KIF2A: variants seen among roughly 807,000 people sequenced by gnomAD.
KIF2A encodes kinesin-like protein KIF2A.
In KIF2A, 22 loss-of-function variants were observed where a neutral mutation model predicts 100.2. The observed-to-expected ratio is 0.22, with a 90% CI of 0.16 to 0.31. KIF2A has a LOEUF of 0.31. KIF2A is among the 10% of genes least tolerant of loss of function. The probability of loss-of-function intolerance (pLI) is 1.00; values close to 1 mark genes in which losing one functional copy is unlikely to be tolerated. For missense variants in KIF2A, 495 were observed against 898.7 expected, an observed-to-expected ratio of 0.55 and a Z score of 5.74; for synonymous variants, 268 against 285.9, an observed-to-expected ratio of 0.94 and a Z score of 0.63.
intron 20 of KIF2A, among the ~76,000 whole-genome samples, chr5:62,381,519 G>T (rs887334570): frequency 1.3e-5 from 2 of 152,160 alleles, no homozygotes; most frequent in Non-Finnish European, 2.9e-5. Flanking sequence ...TAAATTTTAT[G>T]TACCTATTCA....
chr5:62,311,809 TGTTAGGGCTTAATA>T (rs1745566206), intron 1 of KIF2A: 1 of 152,210 alleles, frequency 6.6e-6, no homozygotes, highest in Non-Finnish European at 1.5e-5. Flanking sequence ...TATATGGATT[TGTTAGGGCTTAATA>T]GTTTTCCAAG....
At chr5:62,308,597 T>TA (rs34459515) in intron 1 of KIF2A, 5 of 700,498 alleles carry the variant, frequency 7.1e-6, no homozygotes, top group South Asian at 5.9e-5. Flanking sequence ...TATTCAGCCT[T>TA]AAAAAAGGAG....
intron 1 of KIF2A, among the ~76,000 whole-genome samples, chr5:62,322,645 G>A (rs1316523231): frequency 6.6e-6 from 1 of 152,102 alleles, no homozygotes; most frequent in Non-Finnish European, 1.5e-5. Flanking sequence ...GAAATACCTT[G>A]CAACTCTAGT....
chr5:62,312,024 G>A (rs1745576726), intron 1 of KIF2A: 1 of 152,200 alleles, frequency 6.6e-6, no homozygotes, highest in Admixed American at 6.5e-5. Context: ...TCTAAGTGCT[G>A]CTGACAGATG....
intron 1 of KIF2A, among the ~76,000 whole-genome samples, chr5:62,318,413 A>G (rs535966194): frequency 1.3e-3 from 204 of 152,300 alleles, no homozygotes; most frequent in Non-Finnish European, 2.0e-3. Context: ...ATTGTTTGAA[A>G]TTATTTTGGG....
Position 62,387,474 on chromosome 5 carries a change from T to TAGAC in KIF2A, c.*1907_*1910dup, listed in dbSNP as rs1482151393. 6.6e-6 allele frequency: 1 copy of TAGAC among 152,200 alleles called. No homozygotes were observed. Among genetic ancestry groups the TAGAC allele is most frequent in the African/African-American group, 2.4e-5 (1 of 41,462 alleles). 9.4% of individuals were successfully genotyped at this position (152,200 alleles called of 1,614,324 possible). On this transcript the variant is annotated 3_prime_UTR_variant, in exon 21 of 21. Transcript: ENST00000407818. ...GTACTGTCTTTGGAAAGTCTCCTTA[T>TAGAC]AGACAAATATGCTGCCTTACACTAT...
At position 62,306,455 on chromosome 5, in the gene KIF2A, G is replaced by A. The variant is rs1334039561; in HGVS notation, c.-18G>A. 9.7e-6 allele frequency: 15 copies of A among 1,539,592 alleles called. No homozygotes were observed. In the Admixed American group the frequency reaches 3.0e-4, roughly 31 times the overall value. On this transcript the variant is annotated 5_prime_UTR_variant, in exon 1 of 21. Coordinates refer to ENST00000407818, the MANE Select transcript of KIF2A (RefSeq NM_001098511.3). ...GGTCCCCCTCCCTCGGCCCGCTGCT[G>A]CTGCTCCAGATGAGGTGATGGCAAC...
intron 12 of KIF2A, 100 bp downstream of exon 12, chr5:62,362,641 C>A: frequency 2.1e-6 from 1 of 469,902 alleles, no homozygotes. Context: ...TAAATATATT[C>A]ACATTGTTGT....
rs1345575065 is a variant in KIF2A at position 62,331,423 on chromosome 5, A to G, written c.65-15707A>G. On this transcript the variant is annotated intron_variant, in intron 1 of 20. Coordinates refer to ENST00000407818, the MANE Select transcript of KIF2A (RefSeq NM_001098511.3). Reference sequence around the variant, plus strand: ...CAAGACTATGTCTAAAAAAAAAAAAAAATTATGTTTTCTGGGATTGCAGGC... The same window carrying G: ...CAAGACTATGTCTAAAAAAAAAAAAGAATTATGTTTTCTGGGATTGCAGGC... 4.6e-5 allele frequency among the ~76,000 whole-genome samples: 7 copies of G among 151,930 alleles called. No homozygotes were observed. In the East Asian group the frequency reaches 1.4e-3, roughly 29 times the overall value.
chr5:62,385,405 C>G, intron 20 of KIF2A, 79 bp from the exon 21 acceptor site: 1 of 943,010 alleles, frequency 1.1e-6, no homozygotes, highest in Admixed American at 2.1e-5. Flanking sequence ...ACACAGCTGA[C>G]TTGATTGAAC....
In KIF2A at chr5:62,387,298, G is replaced by C. The variant is rs15807; in HGVS notation, c.*1729G>C. 44,346 of 151,968 alleles carry C rather than the reference G, an allele frequency of 0.29. 6,990 individuals are homozygous for C. The highest frequency in any genetic ancestry group is 0.42 in the African/African-American group (17,349 of 41,442). The allele number at this position is 151,968 out of a possible 1,614,324, so 9.4% of individuals were successfully genotyped here. Reference sequence around the variant, plus strand: ...TTTCAAAGGGAAGAGGAAGGATGGAGAACTGTTACAATTGACCTTGCAAAG... The same window carrying C: ...TTTCAAAGGGAAGAGGAAGGATGGACAACTGTTACAATTGACCTTGCAAAG... On this transcript the variant is annotated 3_prime_UTR_variant, in exon 21 of 21. Coordinates refer to ENST00000407818, the MANE Select transcript of KIF2A (RefSeq NM_001098511.3).
At position 62,386,936 on chromosome 5, in the gene KIF2A, C is replaced by T. The variant is rs555827230; in HGVS notation, c.*1367C>T. 6.6e-6 allele frequency among the ~76,000 whole-genome samples: 1 copy of T among 152,328 alleles called. No homozygotes were observed. The highest frequency in any genetic ancestry group is 2.1e-4 in the South Asian group (1 of 4,830). Reference sequence around the variant, plus strand: ...AGGATGGGGTCCAGGAGTAGATTAACAGCTAAAAATCTCCCAAGGATATCT... The same window carrying T: ...AGGATGGGGTCCAGGAGTAGATTAATAGCTAAAAATCTCCCAAGGATATCT... On this transcript the variant is annotated 3_prime_UTR_variant, in exon 21 of 21. Transcript: ENST00000407818.
intron 1 of KIF2A, among the ~76,000 whole-genome samples, chr5:62,314,004 C>A (rs1388269895): frequency 6.6e-6 from 1 of 152,052 alleles, no homozygotes; most frequent in Non-Finnish European, 1.5e-5. Context: ...GTTGACTAGG[C>A]TGGTCTTGAA....
At chr5:62,337,307 C>T (rs184312262) in intron 1 of KIF2A, among the ~76,000 whole-genome samples, 179 of 152,120 alleles carry the variant, frequency 1.2e-3, no homozygotes, top group African/African-American at 4.0e-3. Context: ...GCCTGGCCAG[C>T]GTGGTGAAAC....
At chr5:62,366,830 C>CA (rs753260744) in intron 16 of KIF2A, among the ~76,000 whole-genome samples, 3,972 of 81,742 alleles carry the variant, frequency 0.049, 114 homozygotes, top group African/African-American at 0.13. Context: ...GACTCCGTCT[C>CA]AAAAAAAAAA....
chr5:62,377,416 A>G (rs1334542356), intron 18 of KIF2A, among the ~76,000 whole-genome samples: 2 of 152,218 alleles, frequency 1.3e-5, no homozygotes, highest in African/African-American at 4.8e-5. Flanking sequence ...GTTCGGCAAT[A>G]AAGCTTAGGC....
rs2112028509 is a variant in KIF2A at position 62,389,035 on chromosome 5, T to A, written c.*3466T>A. ...CTAGGAAAAATGAATACCTTCTGCGTTGAATCCATGTAGCAATCTGAAAAA... is the reference window on the plus strand; with the variant it reads ...CTAGGAAAAATGAATACCTTCTGCGATGAATCCATGTAGCAATCTGAAAAA... On this transcript the variant is annotated 3_prime_UTR_variant, in exon 21 of 21. Coordinates refer to ENST00000407818, the MANE Select transcript of KIF2A (RefSeq NM_001098511.3). 3 of 1,609,698 alleles carry A rather than the reference T, an allele frequency of 1.9e-6. No homozygotes were observed. The East Asian group carries it at 6.7e-5, about 36-fold the overall frequency.
chr5:62,363,393 T>C (rs1373536083), intron 13 of KIF2A, 73 bp downstream of exon 13: 45 of 1,362,024 alleles, frequency 3.3e-5, no homozygotes, highest in Non-Finnish European at 4.5e-5. Context: ...AAAATGAGGA[T>C]GTTATCTATC....
chr5:62,387,593 A>T lies in KIF2A; in HGVS notation c.*2024A>T, dbSNP rs1742095444. On this transcript the variant is annotated 3_prime_UTR_variant, in exon 21 of 21. Transcript: ENST00000407818. ...AGTCCTTCAGCTTTACAGATAGTGA[A>T]AACTGAAGGCCAGAAAAGGAACTAA... 6.6e-6 allele frequency: 1 copy of T among 152,192 alleles called. No individual in the cohort carries two copies. The allele number at this position is 152,192 out of a possible 1,614,324, so 9.4% of individuals were successfully genotyped here.
Sources: gnomAD v4.1 joint callset for allele counts (sites outside exome capture counted in the v4.1 genomes callset) on GRCh38, gnomAD v4.1.1 for gene constraint, MANE v1.5 for transcripts, NCBI Gene and HGNC (gene_info 2026-07-23, HGNC 2026-07-21) for gene names.